GSG1L: variants seen among roughly 807,000 people sequenced by gnomAD.
GSG1L encodes the protein germ cell-specific gene 1-like protein.
GSG1L carries 24 observed loss-of-function variants against 42.1 expected under a neutral mutation model. The observed-to-expected ratio is 0.57, with a 90% confidence interval of 0.41 to 0.80. GSG1L has a LOEUF of 0.80. Among genes scored for constraint, GSG1L ranks in the 30% least tolerant of loss-of-function variants. The pLI is 0.00. For synonymous variants in GSG1L, 215 were observed against 203.5 expected, an observed-to-expected ratio of 1.06 and a Z score of -0.48; for missense variants, 445 against 472.2, an observed-to-expected ratio of 0.94 and a Z score of 0.53.
intron 6 of GSG1L, among the ~76,000 whole-genome samples, chr16:27,805,888 G>A (rs2082955854): frequency 6.6e-6 from 1 of 151,838 alleles, no homozygotes; most frequent in Non-Finnish European, 1.5e-5. Flanking sequence ...TCTTCCAGTG[G>A]TAGGGACCTC....
chr16:27,975,527 A>C (rs760070477), intron 1 of GSG1L, among the ~76,000 whole-genome samples: 2 of 152,216 alleles, frequency 1.3e-5, no homozygotes, highest in African/African-American at 2.4e-5. Flanking sequence ...TGTCCTCTAC[A>C]GGACGTGCAG....
chr16:27,906,984 T>G lies in GSG1L; in HGVS notation c.398-22346A>C, dbSNP rs181910127. 3.3e-5 allele frequency among the ~76,000 whole-genome samples: 5 copies of G among 152,228 alleles called. No individual in the cohort carries two copies. The East Asian group carries it at 5.8e-4, about 18-fold the overall frequency. On this transcript the variant is annotated intron_variant, in intron 2 of 6. Coordinates refer to ENST00000447459, the MANE Select transcript of GSG1L (RefSeq NM_001109763.2). ...CACTTTTCCTTCCAGAGACCACCAC[T>G]ACCCCATTCTCAGCACTTGAGTATG... is the stretch of plus-strand genomic sequence containing the variant.
chr16:27,821,817 C>T (rs922184253), intron 5 of GSG1L, among the ~76,000 whole-genome samples: 4 of 151,994 alleles, frequency 2.6e-5, no homozygotes, highest in African/African-American at 7.2e-5. Context: ...AGCAGGAGAA[C>T]GGCGTGAACC....
chr16:27,817,827 C>T (rs966868750), intron 5 of GSG1L, among the ~76,000 whole-genome samples: 4 of 152,172 alleles, frequency 2.6e-5, no homozygotes, highest in African/African-American at 4.8e-5. Flanking sequence ...TGTTTGCAAA[C>T]GGGCAATGGT....
chr16:28,008,561 CT>C (rs1478619678), intron 1 of GSG1L, among the ~76,000 whole-genome samples: 1 of 152,212 alleles, frequency 6.6e-6, no homozygotes, highest in Non-Finnish European at 1.5e-5. Context: ...CCTGCCTCCC[CT>C]CTCACTCCCT....
chr16:28,006,966 A>C (rs146191909), intron 1 of GSG1L, among the ~76,000 whole-genome samples: 2 of 152,310 alleles, frequency 1.3e-5, no homozygotes, highest in Non-Finnish European at 2.9e-5. Context: ...GCCAGGGGTT[A>C]TCTGCGCCTG....
chr16:27,878,734 AC>A (rs1309436701), intron 3 of GSG1L, among the ~76,000 whole-genome samples: 3 of 152,160 alleles, frequency 2.0e-5, no homozygotes, highest in Non-Finnish European at 4.4e-5. Flanking sequence ...ATCACACCCA[AC>A]CTGTTAAAGA....
intron 1 of GSG1L, among the ~76,000 whole-genome samples, chr16:28,005,122 C>T (rs1017809231): frequency 1.3e-5 from 2 of 151,838 alleles, no homozygotes; most frequent in African/African-American, 4.8e-5. Flanking sequence ...GGCCTCTCTC[C>T]TTTTTTTTGA....
chr16:27,979,433 G>C (rs1596670342), intron 1 of GSG1L, among the ~76,000 whole-genome samples: 1 of 151,450 alleles, frequency 6.6e-6, no homozygotes, highest in Admixed American at 6.6e-5. Context: ...TGGCGTGGTG[G>C]CAAGTGCCTG....
At chr16:27,877,995 T>C (rs920597983) in intron 3 of GSG1L, among the ~76,000 whole-genome samples, 4 of 151,162 alleles carry the variant, frequency 2.6e-5, no homozygotes, top group Non-Finnish European at 5.9e-5. Context: ...ACAGGAGGAG[T>C]AAAGAGATTA....
intron 3 of GSG1L, among the ~76,000 whole-genome samples, chr16:27,869,705 T>C (rs374950890): frequency 2.2e-3 from 168 of 75,546 alleles, no homozygotes; most frequent in Middle Eastern, 0.013. Flanking sequence ...CTCCCTCCAT[T>C]TCTCTCTCCT....
chr16:27,913,443 G>T (rs1396335423), intron 2 of GSG1L, among the ~76,000 whole-genome samples: 3 of 152,038 alleles, frequency 2.0e-5, no homozygotes, highest in African/African-American at 4.8e-5. Flanking sequence ...ATGGTATTTT[G>T]AACTTATTTT....
chr16:27,973,324 C>A (rs1188629109), intron 1 of GSG1L, among the ~76,000 whole-genome samples: 1 of 151,060 alleles, frequency 6.6e-6, no homozygotes, highest in East Asian at 2.0e-4. Flanking sequence ...GTTGTGCACA[C>A]CTGTAATCCC....
chr16:27,852,893 G>A (rs563974846), intron 3 of GSG1L, among the ~76,000 whole-genome samples: 2 of 152,138 alleles, frequency 1.3e-5, no homozygotes, highest in South Asian at 2.1e-4. Flanking sequence ...TTGCCAGGGC[G>A]CTGAGATGCT....
Position 28,063,188 on chromosome 16 carries a change from G to A in GSG1L, c.237C>T (p.Asn79=), listed in dbSNP as rs1215945221. Residue 79 remains asparagine (N), a synonymous_variant, in exon 1 of 7, where the codon AAC becomes AAT. Coordinates refer to ENST00000447459, the MANE Select transcript of GSG1L (RefSeq NM_001109763.2). The surrounding 1 kb of genome is among the most constrained non-coding windows in gnomAD (Gnocchi z 5.8). ...TGTAGAGCGCGCCGCCAGGGGGGCCGTTCCCCGAGGCGGTGGCGGCGGCGG... is the reference window on the plus strand; with the variant it reads ...TGTAGAGCGCGCCGCCAGGGGGGCCATTCCCCGAGGCGGTGGCGGCGGCGG... ...AAAAAATASG[N]GPPGGALYSW... 3.0e-6 allele frequency: 4 copies of A among 1,311,620 alleles called. No homozygotes were observed. The highest frequency in any genetic ancestry group is 3.7e-5 in the Admixed American group (1 of 27,274). 81.2% of individuals were successfully genotyped at this position (1,311,620 alleles called of 1,614,324 possible).
chr16:27,880,264 T>C (rs35644624), intron 3 of GSG1L, among the ~76,000 whole-genome samples: 9,459 of 152,250 alleles, frequency 0.062, 361 homozygotes, highest in Middle Eastern at 0.095. Flanking sequence ...TCAAAGTTTA[T>C]CTCCTCATAT....
At chr16:27,886,364 C>A (rs2084029625) in intron 2 of GSG1L, among the ~76,000 whole-genome samples, 1 of 152,148 alleles carries the variant, frequency 6.6e-6, no homozygotes, top group Admixed American at 6.5e-5. Context: ...CGCTTGAACC[C>A]AGGAGGCAGA....
At chr16:28,007,092 C>G (rs1251136853) in intron 1 of GSG1L, among the ~76,000 whole-genome samples, 3 of 152,188 alleles carry the variant, frequency 2.0e-5, no homozygotes, top group Non-Finnish European at 4.4e-5. Context: ...ATGCCCCCAC[C>G]ACGAAGTCCA....
At chr16:28,058,864 G>A (rs1372769945) in intron 1 of GSG1L, among the ~76,000 whole-genome samples, 1 of 152,190 alleles carries the variant, frequency 6.6e-6, no homozygotes, top group Non-Finnish European at 1.5e-5. Context: ...AATAAAGGAA[G>A]ACAAGACAGG....
Sources: allele counts gnomAD v4.1 joint callset (sites outside exome capture counted in the v4.1 genomes callset), GRCh38; gene constraint gnomAD v4.1.1; non-coding constraint Gnocchi (gnomAD v3.1); transcripts MANE v1.5; gene names NCBI Gene and HGNC (gene_info 2026-07-23, HGNC 2026-07-21).